The following MGAT5 variants were observed in gnomAD, a reference collection of about 807,000 sequenced individuals.
MGAT5 encodes alpha-1,6-mannosylglycoprotein 6-beta-N-acetylglucosaminyltransferase A.
Under a neutral mutation model 94.3 loss-of-function variants are expected in MGAT5, and 30 were observed. The observed-to-expected ratio is 0.32, with a 90% CI of 0.24 to 0.43. The LOEUF is 0.43. Ranked by LOEUF, MGAT5 falls within the 20% of genes least tolerant of loss-of-function variation. The pLI is 1.00. For synonymous variants in MGAT5, 310 were observed against 322.9 expected, an observed-to-expected ratio of 0.96 and a Z score of 0.43; for missense variants, 691 against 905.5, an observed-to-expected ratio of 0.76 and a Z score of 3.04.
intron 1 of MGAT5, among the ~76,000 whole-genome samples, chr2:134,194,927 A>G (rs961972786): frequency 1.3e-5 from 2 of 152,170 alleles, no homozygotes; most frequent in Admixed American, 1.3e-4. Flanking sequence ...ATGCAGTTGA[A>G]GTTGGGTGCT....
chr2:134,175,032 C>T (rs1218667969), intron 1 of MGAT5, among the ~76,000 whole-genome samples: 1 of 152,206 alleles, frequency 6.6e-6, no homozygotes, highest in African/African-American at 2.4e-5. Flanking sequence ...TGCTTTCCTC[C>T]TGGCCCATGG....
intron 1 of MGAT5, among the ~76,000 whole-genome samples, chr2:134,166,570 G>A (rs1183515440): frequency 6.6e-6 from 1 of 152,158 alleles, no homozygotes; most frequent in Non-Finnish European, 1.5e-5. Context: ...TGCCTTTCTT[G>A]TCTGGCATTA....
At chr2:134,201,656 C>A (rs1233541473) in intron 1 of MGAT5, among the ~76,000 whole-genome samples, 2 of 152,072 alleles carry the variant, frequency 1.3e-5, no homozygotes, top group Admixed American at 1.3e-4. Flanking sequence ...CTTGTCAGAT[C>A]CTCCACGGCA....
At chr2:134,163,405 A>T (rs1364989755) in intron 1 of MGAT5, among the ~76,000 whole-genome samples, 1 of 152,026 alleles carries the variant, frequency 6.6e-6, no homozygotes, top group African/African-American at 2.4e-5. Context: ...AAATCAGGGG[A>T]GGGGCATGAG....
chr2:134,218,060 C>T (rs1680582300), intron 1 of MGAT5, among the ~76,000 whole-genome samples: 1 of 152,178 alleles, frequency 6.6e-6, no homozygotes, highest in South Asian at 2.1e-4. Flanking sequence ...GGTTCTTGGT[C>T]CTACTCTTCC....
chr2:134,251,193 G>T (rs1416925286), upstream of MGAT5, among the ~76,000 whole-genome samples: 1 of 149,812 alleles, frequency 6.7e-6, no homozygotes, highest in African/African-American at 2.5e-5. Context: ...ATGAGTATGG[G>T]TTATCAAAAA....
rs113074338 is a variant in MGAT5, at chr2:134,450,279, G to A, written c.*1432G>A. 3.9e-5 allele frequency: 6 copies of A among 152,368 alleles called. No homozygotes were observed. Among genetic ancestry groups the A allele is most frequent in the African/African-American group, 1.2e-4 (5 of 41,574 alleles). The allele number at this position is 152,368 out of a possible 1,614,324, so 9.4% of individuals were successfully genotyped here. A position where few individuals can be genotyped will look rare whatever the true frequency, so the allele number is the denominator to read the frequency against. ...GGTTGGCGTCCTCCACTTGGCCTCT[G>A]CTGGGCGCCTCAGTCGCTCAATGAT... On this transcript the variant is annotated 3_prime_UTR_variant, in exon 16 of 16. Coordinates refer to ENST00000281923, the MANE Select transcript of MGAT5 (RefSeq NM_002410.5).
chr2:134,337,464 A>G (rs1012584565), intron 5 of MGAT5, among the ~76,000 whole-genome samples: 6 of 152,166 alleles, frequency 3.9e-5, no homozygotes, highest in African/African-American at 1.4e-4. Flanking sequence ...TGGGAGTGTG[A>G]GACCCTATCT....
chr2:134,181,452 G>A lies in MGAT5; in HGVS notation c.-143+61161G>A, dbSNP rs186778000. ...GGTGTGGTTCCTTTTGTCTCCTGAG[G>A]GTGGGGCAACGGAAAAGGTCCTCCC... On this transcript the variant is annotated intron_variant, in intron 1 of 16. Coordinates refer to the MGAT5 transcript ENST00000409645. Among the ~76,000 whole-genome samples the A allele has an allele frequency of 1.7e-4, 26 of 152,292 alleles. 1 individual carries two copies. The East Asian group carries it at 4.8e-3, about 28-fold the overall frequency.
intron 6 of MGAT5, among the ~76,000 whole-genome samples, chr2:134,338,655 A>G (rs1321455527): frequency 1.1e-5 from 1 of 89,140 alleles, no homozygotes. Context: ...ATCTGCCTGT[A>G]AGACTTTTCC....
chr2:134,229,144 C>CA (rs201718138), intron 1 of MGAT5, among the ~76,000 whole-genome samples: 1,678 of 151,932 alleles, frequency 0.011, 22 homozygotes, highest in African/African-American at 0.037. Context: ...ACAAACCTTA[C>CA]AAAAAAAATA....
rs757375599 is a variant in MGAT5, at chr2:134,448,991, T to A, written c.*144T>A. The stretch of plus-strand genomic sequence containing the variant: ...AGAAGGTTCTGAATTGGCATTGCCC[T>A]TGCTGCACTCCGAGCAACCCAGTGG... On this transcript the variant is annotated 3_prime_UTR_variant, in exon 16 of 16. Transcript: ENST00000281923. 18 of 785,530 alleles carry A rather than the reference T, an allele frequency of 2.3e-5. No individual in the cohort carries two copies. The highest frequency in any genetic ancestry group is 3.4e-5 in the Non-Finnish European group (17 of 496,136). 48.7% of individuals were successfully genotyped at this position (785,530 alleles called of 1,614,324 possible).
rs184378909 is a variant in MGAT5, at chr2:134,334,135, G to A, written c.574-2082G>A. ...TTATATTTTCAGGAGTGCCCTTGGAGCCTTAGGGAGTAATACCCAGTGATT... is the reference window on the plus strand; with the variant it reads ...TTATATTTTCAGGAGTGCCCTTGGAACCTTAGGGAGTAATACCCAGTGATT... On this transcript the variant is annotated intron_variant, in intron 4 of 15. Transcript: ENST00000281923. Among the ~76,000 whole-genome samples the A allele has an allele frequency of 2.1e-3, 322 of 152,218 alleles. 3 individuals carry two copies. The highest frequency in any genetic ancestry group is 3.2e-3 in the Non-Finnish European group (215 of 68,008).
At chr2:134,360,668 G>A (rs954617422) in intron 9 of MGAT5, among the ~76,000 whole-genome samples, 10 of 152,144 alleles carry the variant, frequency 6.6e-5, no homozygotes, top group Admixed American at 4.6e-4. Flanking sequence ...ATGCACACAG[G>A]TTTTGTTCCT....
intron 2 of MGAT5, among the ~76,000 whole-genome samples, chr2:134,291,228 G>C (rs1037433819): frequency 6.6e-6 from 1 of 152,130 alleles, no homozygotes; most frequent in Non-Finnish European, 1.5e-5. Context: ...AAATGGTCTG[G>C]GGCCTTTGGG....
intron 1 of MGAT5, among the ~76,000 whole-genome samples, chr2:134,170,439 G>C (rs1293430057): frequency 6.6e-6 from 1 of 152,202 alleles, no homozygotes; most frequent in Admixed American, 6.5e-5. Context: ...TGTGGGTTGA[G>C]CCTGTTCTCC....
intron 11 of MGAT5, among the ~76,000 whole-genome samples, chr2:134,407,823 G>T (rs574499068): frequency 6.6e-6 from 1 of 151,568 alleles, no homozygotes; most frequent in Non-Finnish European, 1.5e-5. Flanking sequence ...CAGTTCAGTT[G>T]TGTAAAATGT....
chr2:134,168,767 T>C (rs1688066792), intron 1 of MGAT5, among the ~76,000 whole-genome samples: 1 of 152,250 alleles, frequency 6.6e-6, no homozygotes, highest in Non-Finnish European at 1.5e-5. Context: ...CCATAGACAC[T>C]CTTTACTTTG....
In MGAT5 at chr2:134,431,519, G is replaced by A. The variant is rs1049506100; in HGVS notation, c.1869+3080G>A. Among the ~76,000 whole-genome samples the A allele has an allele frequency of 3.3e-5, 5 of 152,142 alleles. No individual in the cohort carries two copies. The East Asian group carries it at 5.8e-4, about 18-fold the overall frequency. On this transcript the variant is annotated intron_variant, in intron 14 of 15. Coordinates refer to ENST00000281923, the MANE Select transcript of MGAT5 (RefSeq NM_002410.5). ...AGCTCCAGACCCCAGTGTTTTAGAGGTTGGAGTATTCATTATTTTTTGCAG... is the reference window on the plus strand; with the variant it reads ...AGCTCCAGACCCCAGTGTTTTAGAGATTGGAGTATTCATTATTTTTTGCAG...
Sources: gnomAD v4.1 joint callset for allele counts (sites outside exome capture counted in the v4.1 genomes callset) on GRCh38, gnomAD v4.1.1 for gene constraint, MANE v1.5 for transcripts, NCBI Gene and HGNC (gene_info 2026-07-23, HGNC 2026-07-21) for gene names.